The following MALRD1 variants were observed in gnomAD, a reference collection of about 807,000 sequenced individuals.
MALRD1 encodes MAM and LDL receptor class A domain containing 1.
MALRD1 carries 247 observed loss-of-function variants against 242.1 expected under a neutral mutation model. The observed-to-expected ratio is 1.02, with a 90% CI of 0.92 to 1.13. The LOEUF (loss-of-function observed/expected upper bound fraction) is 1.13. Among genes scored for constraint, MALRD1 ranks in the 50% most tolerant of loss-of-function variants. The pLI is 0.00. For missense variants in MALRD1, 2,989 were observed against 2,533.1 expected, an observed-to-expected ratio of 1.18 and a Z score of -3.86; for synonymous variants, 995 against 866.6, an observed-to-expected ratio of 1.15 and a Z score of -2.60.
chr10:19,628,024 G>T (rs1391550566), intron 36 of MALRD1, among the ~76,000 whole-genome samples: 1 of 151,920 alleles, frequency 6.6e-6, no homozygotes, highest in African/African-American at 2.4e-5. Context: ...AAAATAAATG[G>T]TCAACACACA....
In MALRD1 at chr10:19,665,390, G is replaced by A. The variant is rs371747600; in HGVS notation, c.6138-26892G>A. On this transcript the variant is annotated intron_variant, in intron 36 of 39. Transcript: ENST00000454679. ...AGCATCTCAGTGCCATCTTTCTTCC[G>A]GTGATAAGGTCGTTTTCCCATTTCT... Among the ~76,000 whole-genome samples, 81 of 152,164 alleles carry A rather than the reference G, an allele frequency of 5.3e-4. 2 individuals are homozygous for A. Among genetic ancestry groups the A allele is most frequent in the African/African-American group, 1.8e-3 (75 of 41,508 alleles).
chr10:19,732,472 A>G (rs1204681332), intron 39 of MALRD1, among the ~76,000 whole-genome samples: 1 of 152,128 alleles, frequency 6.6e-6, no homozygotes, highest in East Asian at 1.9e-4. Flanking sequence ...CATGTTGGCC[A>G]GGCTGATCTC....
chr10:19,720,443 T>C (rs182804736), intron 38 of MALRD1, among the ~76,000 whole-genome samples: 1 of 152,348 alleles, frequency 6.6e-6, no homozygotes, highest in East Asian at 1.9e-4. Flanking sequence ...TCTCCTGAGT[T>C]AGAGAAGTGC....
At chr10:19,398,775 C>T (rs1344635934) in intron 28 of MALRD1, among the ~76,000 whole-genome samples, 1 of 152,136 alleles carries the variant, frequency 6.6e-6, no homozygotes, top group Admixed American at 6.6e-5. Flanking sequence ...GCCTTGTCTG[C>T]ACAGGAATTT....
At chr10:19,301,701 G>A (rs577949287) in intron 21 of MALRD1, among the ~76,000 whole-genome samples, 177 of 151,768 alleles carry the variant, frequency 1.2e-3, no homozygotes, top group African/African-American at 4.0e-3. Flanking sequence ...AACAGTCACC[G>A]GGACCTTCTT....
chr10:19,146,221 G>C lies in MALRD1; in HGVS notation c.1435G>C (p.Glu479Gln). ...TCSKHLTCDF[E>Q]SGFCGWEPFL... ...AGCAAAGCATCTCACCTGTGACTTTGAGTCGGGTTTCTGCGGTTGGGAGCC... is the reference window on the plus strand; with the variant it reads ...AGCAAAGCATCTCACCTGTGACTTTCAGTCGGGTTTCTGCGGTTGGGAGCC... The change falls in exon 11 of 40, where the codon GAG becomes CAG. Residue 479 changes from glutamate (E) to glutamine (Q), a missense_variant. Transcript: ENST00000454679. The C allele has an allele frequency of 8.1e-7, 1 of 1,231,634 alleles. No homozygotes were observed. The highest frequency in any genetic ancestry group is 1.0e-6 in the Non-Finnish European group (1 of 987,946). The allele number at this position is 1,231,634 out of a possible 1,614,324, so 76.3% of individuals were successfully genotyped here.
rs942834086 is a variant in MALRD1, at chr10:19,734,188, A to G, written c.6422A>G (p.Tyr2141Cys). 5.9e-6 allele frequency: 9 copies of G among 1,535,790 alleles called. No individual in the cohort carries two copies. The highest frequency in any genetic ancestry group is 5.5e-5 in the African/African-American group (4 of 73,030). The change falls in exon 40 of 40, where the codon TAT (tyrosine) becomes TGT (cysteine). Residue 2141 changes from tyrosine (Y) to cysteine (C), a missense_variant. Transcript: ENST00000454679. The stretch of plus-strand genomic sequence containing the variant: ...GTCTATTCCTTCTCAAACCCATTAT[A>G]TGGCACAACATCAGGAAGCCTGGAG... The part of the protein sequence containing the change: ...SSVYSFSNPL[Y>C]GTTSGSLETL...
intron 26 of MALRD1, among the ~76,000 whole-genome samples, chr10:19,367,578 G>A (rs1161121616): frequency 6.6e-6 from 1 of 152,124 alleles, no homozygotes; most frequent in Non-Finnish European, 1.5e-5. Context: ...GTAGACATAA[G>A]AGTGCATATA....
chr10:19,159,714 C>T (rs941149288), intron 12 of MALRD1, among the ~76,000 whole-genome samples: 4 of 151,964 alleles, frequency 2.6e-5, no homozygotes, highest in African/African-American at 9.7e-5. Flanking sequence ...CCTTGGGTGT[C>T]CCAGACTGAA....
chr10:19,079,341 T>C (rs1590398381), intron 2 of MALRD1, among the ~76,000 whole-genome samples: 1 of 151,892 alleles, frequency 6.6e-6, no homozygotes, highest in Non-Finnish European at 1.5e-5. Flanking sequence ...CTGGAGAACA[T>C]ACTTGTATGA....
At chr10:19,348,783 T>G (rs187071073) in intron 25 of MALRD1, among the ~76,000 whole-genome samples, 1 of 152,244 alleles carries the variant, frequency 6.6e-6, no homozygotes, top group Admixed American at 6.5e-5. Flanking sequence ...TAGTCCAAAT[T>G]AAGTGTTCAG....
At chr10:19,381,307 C>A (rs1029370623) in intron 26 of MALRD1, among the ~76,000 whole-genome samples, 4 of 151,392 alleles carry the variant, frequency 2.6e-5, no homozygotes, top group East Asian at 2.0e-4. Context: ...TCCAGTCTAT[C>A]ATTGTTGGAC....
chr10:19,352,473 T>A (rs912541358), intron 26 of MALRD1, among the ~76,000 whole-genome samples, 176 bp downstream of exon 26: 4 of 98,908 alleles, frequency 4.0e-5, no homozygotes, highest in African/African-American at 1.9e-4. Context: ...CATAAAAATG[T>A]CTTCCACATT....
At position 19,327,550 on chromosome 10, in the gene MALRD1, T is replaced by C. The variant is rs964256557; in HGVS notation, c.3577-13T>C. On this transcript the variant is annotated splice_polypyrimidine_tract_variant and intron_variant, in intron 22 of 39. Coordinates refer to ENST00000454679, the MANE Select transcript of MALRD1 (RefSeq NM_001142308.3). Reference sequence around the variant, plus strand: ...AAATACTTCAGTGCCTTTTACTTGATTTATCTCTATAGGTGCTCATCAAGA... The same window carrying C: ...AAATACTTCAGTGCCTTTTACTTGACTTATCTCTATAGGTGCTCATCAAGA... The C allele has an allele frequency of 2.6e-6, 4 of 1,539,118 alleles. No individual in the cohort carries two copies. The African/African-American group carries it at 5.5e-5, about 21-fold the overall frequency.
intron 38 of MALRD1, among the ~76,000 whole-genome samples, chr10:19,719,154 T>TTATATATATATACATACATA (rs1834570181): frequency 8.6e-5 from 5 of 58,194 alleles, no homozygotes; most frequent in African/African-American, 3.0e-4. Context: ...ACTGTCCAAA[T>TTATATATATATACATACATA]TATATATATA....
chr10:19,418,232 A>C lies in MALRD1; in HGVS notation c.4845+28623A>C, dbSNP rs555447180. ...GCCTAGGAAAGAGATATATTCAGTA[A>C]ACTAGCTAGATAATAGATCAAATAT... is the stretch of plus-strand genomic sequence containing the variant. On this transcript the variant is annotated intron_variant, in intron 28 of 39. Coordinates refer to ENST00000454679, the MANE Select transcript of MALRD1 (RefSeq NM_001142308.3). 4.6e-5 allele frequency among the ~76,000 whole-genome samples: 7 copies of C among 152,088 alleles called. No homozygotes were observed. In the South Asian group the frequency reaches 1.5e-3, roughly 32 times the overall value.
intron 32 of MALRD1, among the ~76,000 whole-genome samples, chr10:19,552,751 T>G (rs189786732): frequency 7.9e-4 from 120 of 152,286 alleles, no homozygotes; most frequent in African/African-American, 2.4e-3. Context: ...TTTTTCAGTG[T>G]TTGCTTTTGC....
At chr10:19,434,324 T>C (rs1000036448) in intron 28 of MALRD1, among the ~76,000 whole-genome samples, 2 of 152,088 alleles carry the variant, frequency 1.3e-5, no homozygotes, top group African/African-American at 2.4e-5. Context: ...GGGAAGAAAA[T>C]TTTCTGTAAA....
chr10:19,168,407 C>A (rs1430616669), intron 13 of MALRD1, among the ~76,000 whole-genome samples: 1 of 152,110 alleles, frequency 6.6e-6, no homozygotes, highest in East Asian at 1.9e-4. Flanking sequence ...CCAAGAAGAT[C>A]GTTCAGAGTT....
Sources: gnomAD v4.1 joint callset for allele counts (sites outside exome capture counted in the v4.1 genomes callset) on GRCh38, gnomAD v4.1.1 for gene constraint, MANE v1.5 for transcripts, NCBI Gene and HGNC (gene_info 2026-07-23, HGNC 2026-07-21) for gene names.